ATP11B: variants seen among roughly 807,000 people sequenced by gnomAD.
ATP11B encodes phospholipid-transporting ATPase IF.
In ATP11B, 81 loss-of-function variants were observed where a neutral mutation model predicts 157.8. The observed-to-expected ratio is 0.51, with a 90% CI of 0.43 to 0.62. ATP11B has a LOEUF of 0.62. ATP11B is among the 20% of genes least tolerant of loss of function. ATP11B has a pLI of 0.00. For synonymous variants in ATP11B, 451 were observed against 469.4 expected (o/e 0.96, Z 0.51); for missense variants, 1,165 against 1,402.2 (o/e 0.83, Z 2.70).
At chr3:182,810,669 G>A (rs1418096448) in intron 1 of ATP11B, among the ~76,000 whole-genome samples, 1 of 152,080 alleles carries the variant, frequency 6.6e-6, no homozygotes, top group African/African-American at 2.4e-5. Context: ...TGCTGCTACT[G>A]TTGAGAATGT....
chr3:182,827,704 A>G (rs906206148), intron 2 of ATP11B, among the ~76,000 whole-genome samples: 1 of 151,850 alleles, frequency 6.6e-6, no homozygotes, highest in Non-Finnish European at 1.5e-5. Context: ...TTCTGATGCT[A>G]AACTAACTAA....
intron 25 of ATP11B, among the ~76,000 whole-genome samples, chr3:182,891,095 C>T (rs1351461258): frequency 1.3e-5 from 2 of 152,208 alleles, no homozygotes; most frequent in African/African-American, 4.8e-5. Flanking sequence ...CAGCTGTTAG[C>T]CTGGTGCCCT....
At position 182,873,683 on chromosome 3, in the gene ATP11B, A is replaced by G. The variant is rs980784969; in HGVS notation, c.2049-129A>G. ...GAGAGAAAATTCCAGTTATATTGCT[A>G]TATTGTATAATAACATTCCTAGGTC... On this transcript the variant is annotated intron_variant, in intron 18 of 29. Coordinates refer to ENST00000323116, the MANE Select transcript of ATP11B (RefSeq NM_014616.3). 2.1e-5 allele frequency: 15 copies of G among 723,456 alleles called. No homozygotes were observed. The South Asian group carries it at 2.1e-4, about 10-fold the overall frequency. 44.8% of individuals were successfully genotyped at this position (723,456 alleles called of 1,614,324 possible).
chr3:182,823,454 G>A (rs1213718824), intron 2 of ATP11B, among the ~76,000 whole-genome samples: 1 of 152,004 alleles, frequency 6.6e-6, no homozygotes, highest in Non-Finnish European at 1.5e-5. Flanking sequence ...TGAGGGCTCT[G>A]TTCTGTTCCA....
chr3:182,873,008 A>G (rs930529083), intron 18 of ATP11B, among the ~76,000 whole-genome samples: 1 of 152,218 alleles, frequency 6.6e-6, no homozygotes, highest in Non-Finnish European at 1.5e-5. Flanking sequence ...TAGCTTAGAT[A>G]TTAGCTCCAG....
chr3:182,841,336 G>A (rs1274481246), intron 7 of ATP11B, among the ~76,000 whole-genome samples: 25 of 152,160 alleles, frequency 1.6e-4, no homozygotes. Flanking sequence ...CTCTAGAGCA[G>A]GCATCTTTGT....
intron 4 of ATP11B, among the ~76,000 whole-genome samples, chr3:182,831,519 TACAAAGACATAAAG>T (rs1335842785): frequency 6.6e-6 from 1 of 152,114 alleles, no homozygotes; most frequent in Non-Finnish European, 1.5e-5. Flanking sequence ...TTCAGTGATC[TACAAAGACATAAAG>T]ACGTACAGAG....
intron 4 of ATP11B, 69 bp downstream of exon 4, chr3:182,829,821 A>T: frequency 7.0e-7 from 1 of 1,431,002 alleles, no homozygotes; most frequent in Non-Finnish European, 9.4e-7. Flanking sequence ...TTCCACTCCA[A>T]AGTAACATTT....
intron 29 of ATP11B, chr3:182,917,733 A>G (rs1725232039): frequency 1.0e-6 from 1 of 985,040 alleles, no homozygotes; most frequent in Non-Finnish European, 1.2e-6. Context: ...AATTGTTAAC[A>G]CTTTAAAAGC....
At chr3:182,895,808 AG>A in intron 25 of ATP11B, among the ~76,000 whole-genome samples, 1 of 152,138 alleles carries the variant, frequency 6.6e-6, no homozygotes. Flanking sequence ...GATATTGATA[AG>A]ATGTTCCCAT....
At chr3:182,828,417 A>G (rs1385178125) in intron 3 of ATP11B, among the ~76,000 whole-genome samples, 1 of 152,060 alleles carries the variant, frequency 6.6e-6, no homozygotes, top group Admixed American at 6.5e-5. Flanking sequence ...TCAATTGTAT[A>G]TTGTTTCATC....
At chr3:182,907,807 G>T (rs1489822613) in intron 28 of ATP11B, among the ~76,000 whole-genome samples, 1 of 152,126 alleles carries the variant, frequency 6.6e-6, no homozygotes, top group African/African-American at 2.4e-5. Context: ...AAGTTCTAGT[G>T]GATATTTCAT....
chr3:182,903,845 C>T (rs1486352581), intron 28 of ATP11B, among the ~76,000 whole-genome samples: 1 of 152,126 alleles, frequency 6.6e-6, no homozygotes, highest in Non-Finnish European at 1.5e-5. Flanking sequence ...ACTGTTTTGT[C>T]ATATAAATAT....
chr3:182,836,064 A>C lies in ATP11B; in HGVS notation c.345A>C (p.Ser115=), dbSNP rs1474415929. ...ATGAAGATTGGTTACGGCATAACTC[A>C]GATAATGAAGTAAATGGAGCTCCTG... ...QGYEDWLRHN[S]DNEVNGAPVY... is the part of the protein sequence containing the mutation. Residue 115 remains serine, a synonymous_variant, in exon 5 of 30, where the codon TCA becomes TCC. Transcript: ENST00000323116. 1.2e-6 allele frequency: 2 copies of C among 1,613,464 alleles called. No homozygotes were observed.
chr3:182,898,277 G>A (rs1454195078), intron 27 of ATP11B, among the ~76,000 whole-genome samples: 5 of 151,770 alleles, frequency 3.3e-5, no homozygotes, highest in African/African-American at 7.3e-5. Context: ...TTGGATAATC[G>A]GCCTTCTAAA....
intron 7 of ATP11B, among the ~76,000 whole-genome samples, chr3:182,838,707 A>G (rs905294038): frequency 2.0e-5 from 3 of 151,860 alleles, no homozygotes; most frequent in African/African-American, 7.2e-5. Context: ...AGGAACTCAT[A>G]GAAGTTAGAG....
chr3:182,811,812 A>G (rs955250704), intron 1 of ATP11B, among the ~76,000 whole-genome samples: 6 of 152,166 alleles, frequency 3.9e-5, no homozygotes, highest in Non-Finnish European at 8.8e-5. Flanking sequence ...TGTAGGTAAG[A>G]GCATTATGTA....
At chr3:182,826,949 C>A (rs972011076) in intron 2 of ATP11B, among the ~76,000 whole-genome samples, 5 of 152,124 alleles carry the variant, frequency 3.3e-5, no homozygotes, top group African/African-American at 1.2e-4. Context: ...GGTCAGTAAC[C>A]ATTGAGGCCT....
At chr3:182,807,818 A>T (rs549022644) in intron 1 of ATP11B, among the ~76,000 whole-genome samples, 58 of 152,212 alleles carry the variant, frequency 3.8e-4, no homozygotes, top group African/African-American at 1.3e-3. Flanking sequence ...GGCTTTTTTT[A>T]AAAATGAAGT....
Sources: allele counts gnomAD v4.1 joint callset (sites outside exome capture counted in the v4.1 genomes callset), GRCh38; gene constraint gnomAD v4.1.1; transcripts MANE v1.5; gene names NCBI Gene and HGNC (gene_info 2026-07-23, HGNC 2026-07-21).